ZBTB20: variants seen among roughly 807,000 people sequenced by gnomAD.
ZBTB20 encodes the protein zinc finger and BTB domain containing 20, also known as zinc finger and BTB domain-containing protein 20.
In ZBTB20, 9 loss-of-function variants were observed where a neutral mutation model predicts 56.9. The ratio of observed to expected loss-of-function variants is 0.16; its 90% CI spans 0.10 to 0.28. The LOEUF (loss-of-function observed/expected upper bound fraction) is 0.28, where lower values mean the gene tolerates loss of function less well. Ranked by LOEUF, ZBTB20 falls within the 10% of genes least tolerant of loss-of-function variation. The pLI is 1.00. For synonymous variants in ZBTB20, 417 were observed against 420.7 expected, an observed-to-expected ratio of 0.99 and a Z score of 0.11; for missense variants, 655 against 1,003.0, an observed-to-expected ratio of 0.65 and a Z score of 4.69.
chr3:114,364,557 T>C (rs913467868), intron 10 of ZBTB20, among the ~76,000 whole-genome samples: 5 of 152,198 alleles, frequency 3.3e-5, no homozygotes, highest in Non-Finnish European at 5.9e-5. Context: ...ATTGTCTTAC[T>C]AGCTGAGCTT....
chr3:114,762,172 TTAA>T (rs777660033), intron 5 of ZBTB20, among the ~76,000 whole-genome samples: 7 of 152,174 alleles, frequency 4.6e-5, no homozygotes, highest in Admixed American at 6.5e-5. Flanking sequence ...AACTCACCAG[TTAA>T]TAATAGAAAA....
In ZBTB20 at chr3:114,380,890, T is replaced by C; in HGVS notation, c.-103A>G. ...CGTACTAGCTGTGCCTCTAACTTGCTGTGTGGCCTTGGGCACCTCACTTCA... is the reference window on the plus strand; with the variant it reads ...CGTACTAGCTGTGCCTCTAACTTGCCGTGTGGCCTTGGGCACCTCACTTCA... On this transcript the variant is annotated 5_prime_UTR_variant, in exon 9 of 12. Transcript: ENST00000675478. 5 of 1,088,852 alleles carry C rather than the reference T, an allele frequency of 4.6e-6. No homozygotes were observed. Among genetic ancestry groups the C allele is most frequent in the Non-Finnish European group, 6.2e-6 (5 of 812,230 alleles). 67.4% of individuals were successfully genotyped at this position (1,088,852 alleles called of 1,614,324 possible).
At chr3:114,622,376 C>T (rs1026327920) in intron 6 of ZBTB20, among the ~76,000 whole-genome samples, 2 of 151,994 alleles carry the variant, frequency 1.3e-5, no homozygotes, top group African/African-American at 4.8e-5. Flanking sequence ...ATAGTATAGT[C>T]CTAACACGAG....
intron 2 of ZBTB20, among the ~76,000 whole-genome samples, chr3:115,033,787 A>G (rs1330157981): frequency 1.3e-5 from 2 of 151,756 alleles, no homozygotes; most frequent in East Asian, 3.8e-4. Flanking sequence ...AACCAGACAA[A>G]AACACAATAA....
chr3:114,551,092 AG>A (rs751283536), intron 6 of ZBTB20, among the ~76,000 whole-genome samples: 1 of 152,132 alleles, frequency 6.6e-6, no homozygotes, highest in Admixed American at 6.5e-5. Flanking sequence ...ATCTGAAACA[AG>A]GGGGGTTTGT....
intron 6 of ZBTB20, among the ~76,000 whole-genome samples, chr3:114,632,663 C>A (rs1244646835): frequency 3.3e-5 from 5 of 152,098 alleles, no homozygotes. Flanking sequence ...ATTGTATTGC[C>A]ACTTGGATTC....
intron 7 of ZBTB20, among the ~76,000 whole-genome samples, chr3:114,427,604 T>TC (rs2089787918): frequency 6.6e-6 from 1 of 152,230 alleles, no homozygotes; most frequent in African/African-American, 2.4e-5. Flanking sequence ...ACTCTGTTCC[T>TC]CTTTTATTCA....
rs115164217 is a variant in ZBTB20 at position 114,510,002 on chromosome 3, C to T, written c.-294-9611G>A. Among the ~76,000 whole-genome samples the T allele has an allele frequency of 9.4e-3, 1,425 of 152,188 alleles. 16 individuals carry two copies. The highest frequency in any genetic ancestry group is 0.03 in the African/African-American group (1,241 of 41,530). The stretch of plus-strand genomic sequence containing the variant: ...CCCTTCAGGCCAAACCACAGCTGAA[C>T]GAATCTCAGCAGGCAGGGAACCCGC... On this transcript the variant is annotated intron_variant, in intron 6 of 11. Transcript: ENST00000675478.
At chr3:114,632,324 T>C (rs949858353) in intron 6 of ZBTB20, among the ~76,000 whole-genome samples, 6 of 152,176 alleles carry the variant, frequency 3.9e-5, no homozygotes, top group African/African-American at 1.4e-4. Flanking sequence ...AATGACCCTA[T>C]GTTTAGTTCT....
intron 6 of ZBTB20, among the ~76,000 whole-genome samples, chr3:114,575,844 T>C (rs77358471): frequency 0.094 from 14,251 of 152,212 alleles, 773 homozygotes; most frequent in African/African-American, 0.14. Flanking sequence ...GAAATAGCCA[T>C]GAATGGACCT....
chr3:114,860,163 C>T (rs964988135), intron 4 of ZBTB20, among the ~76,000 whole-genome samples: 28 of 152,074 alleles, frequency 1.8e-4, no homozygotes, highest in African/African-American at 6.0e-4. Flanking sequence ...AAAAATTAGC[C>T]GGGCTTGTTG....
At chr3:114,927,720 A>C (rs561122778) in intron 3 of ZBTB20, among the ~76,000 whole-genome samples, 1 of 152,200 alleles carries the variant, frequency 6.6e-6, no homozygotes, top group Admixed American at 6.5e-5. Context: ...CACACATCCA[A>C]GTGTAAAATT....
chr3:115,122,111 T>A (rs892522858), intron 1 of ZBTB20, among the ~76,000 whole-genome samples: 1 of 151,952 alleles, frequency 6.6e-6, no homozygotes, highest in African/African-American at 2.4e-5. Context: ...ATGAGGCAAA[T>A]ACAAGCATAT....
chr3:114,569,766 T>C (rs1054777665), intron 6 of ZBTB20, among the ~76,000 whole-genome samples: 3 of 152,224 alleles, frequency 2.0e-5, no homozygotes, highest in African/African-American at 7.2e-5. Context: ...AAACATTTAA[T>C]GAGCACTTTC....
intron 6 of ZBTB20, among the ~76,000 whole-genome samples, chr3:114,596,546 T>A (rs1452868823): frequency 6.6e-6 from 1 of 152,154 alleles, no homozygotes; most frequent in Non-Finnish European, 1.5e-5. Context: ...ACTAAGAGCA[T>A]GATGGCTGGC....
At chr3:115,065,260 T>G (rs1012503410) in intron 2 of ZBTB20, among the ~76,000 whole-genome samples, 66 of 152,328 alleles carry the variant, frequency 4.3e-4, no homozygotes, top group Non-Finnish European at 6.3e-4. Context: ...TGTTTCATAG[T>G]AGCAGTATCT....
At chr3:114,860,626 T>A (rs956010042) in intron 4 of ZBTB20, among the ~76,000 whole-genome samples, 14 of 152,200 alleles carry the variant, frequency 9.2e-5, no homozygotes, top group African/African-American at 2.7e-4. Context: ...AGGATAATTG[T>A]GAGAAGAGTT....
chr3:114,500,004 C>G (rs988271526), intron 7 of ZBTB20, among the ~76,000 whole-genome samples: 1 of 152,108 alleles, frequency 6.6e-6, no homozygotes, highest in Non-Finnish European at 1.5e-5. Flanking sequence ...ACATAATTGC[C>G]CAATGATTGA....
chr3:114,599,746 A>G (rs775730822), intron 6 of ZBTB20, among the ~76,000 whole-genome samples: 16 of 151,974 alleles, frequency 1.1e-4, no homozygotes, highest in Non-Finnish European at 1.9e-4. Flanking sequence ...AAACCCAGGC[A>G]TAGAAATGTT....
Sources: gnomAD v4.1 joint callset for allele counts (sites outside exome capture counted in the v4.1 genomes callset) on GRCh38, gnomAD v4.1.1 for gene constraint, MANE v1.5 for transcripts, NCBI Gene and HGNC (gene_info 2026-07-23, HGNC 2026-07-21) for gene names.